Variants in ATP2A1 observed in about 807,000 individuals in gnomAD.
ATP2A1 encodes ATPase sarcoplasmic/endoplasmic reticulum Ca2+ transporting 1.
A neutral mutation model predicts 109.5 loss-of-function variants in ATP2A1; 83 were observed. The observed-to-expected ratio is 0.76, with a 90% CI of 0.63 to 0.91. The LOEUF (loss-of-function observed/expected upper bound fraction) is 0.91. Ranked by LOEUF, ATP2A1 falls within the 40% of genes least tolerant of loss-of-function variation. The pLI is 0.00. For missense variants in ATP2A1, 1,101 were observed against 1,341.0 expected (o/e 0.82, Z 2.80); for synonymous variants, 505 against 537.6 (o/e 0.94, Z 0.84).
At chr16:28,886,485 G>A (rs187266625) in intron 6 of ATP2A1, among the ~76,000 whole-genome samples, 2 of 152,252 alleles carry the variant, frequency 1.3e-5, no homozygotes, top group East Asian at 3.9e-4. Flanking sequence ...GGGAGGCATG[G>A]TCGTAAGTGT....
rs536491337 is a variant in ATP2A1, at chr16:28,900,745, G to A, written c.1929G>A (p.Gly643=). The A allele has an allele frequency of 6.2e-7, 1 of 1,614,206 alleles. No individual in the cohort carries two copies. The highest frequency in any genetic ancestry group is 8.5e-7 in the Non-Finnish European group (1 of 1,180,026). The change falls in exon 15 of 23, where the codon GGG becomes GGA. Residue 643 remains glycine, a synonymous_variant. Coordinates refer to ENST00000395503, the MANE Select transcript of ATP2A1 (RefSeq NM_004320.6). ...IAICRRIGIF[G]ENEEVADRAY... ...TCTGCCGGCGAATTGGCATCTTTGGGGAGAACGAGGAGGTGGCCGATCGCG... is the reference window on the plus strand; with the variant it reads ...TCTGCCGGCGAATTGGCATCTTTGGAGAGAACGAGGAGGTGGCCGATCGCG...
intron 8 of ATP2A1, among the ~76,000 whole-genome samples, chr16:28,888,018 G>C (rs893713139): frequency 2.6e-5 from 4 of 151,942 alleles, no homozygotes; most frequent in Admixed American, 6.6e-5. Flanking sequence ...AGCCAGGATG[G>C]TCTCGATCTC....
Position 28,900,475 on chromosome 16 carries a change from C to A in ATP2A1, c.1765-106C>A. On this transcript the variant is annotated intron_variant, in intron 14 of 22. Transcript: ENST00000395503. ...CAGGGTTCAGGCTTCCCACCCCTCC[C>A]CACCACTTCCTGACCTTTCACCCCA... 3.1e-6 allele frequency: 3 copies of A among 969,290 alleles called. No homozygotes were observed. The South Asian group carries it at 5.2e-5, about 17-fold the overall frequency. 60.0% of individuals were successfully genotyped at this position (969,290 alleles called of 1,614,324 possible).
chr16:28,901,674 T>C (rs1317987412), intron 15 of ATP2A1, among the ~76,000 whole-genome samples, 189 bp from the exon 16 acceptor site: 3 of 152,086 alleles, frequency 2.0e-5, no homozygotes, highest in Non-Finnish European at 4.4e-5. Flanking sequence ...ACTGAGTTTT[T>C]GGCCAAGTGT....
At chr16:28,901,581 T>C (rs1266582250) in intron 15 of ATP2A1, among the ~76,000 whole-genome samples, 2 of 151,702 alleles carry the variant, frequency 1.3e-5, no homozygotes, top group Non-Finnish European at 2.9e-5. Context: ...TGCAGTGAGC[T>C]GAGATTGCGC....
intron 5 of ATP2A1, among the ~76,000 whole-genome samples, chr16:28,882,942 G>T (rs1015647541): frequency 2.0e-5 from 3 of 152,200 alleles, no homozygotes; most frequent in Non-Finnish European, 4.4e-5. Flanking sequence ...CCCACCCCAA[G>T]CTTGGTCAGC....
chr16:28,882,088 T>C (rs11645143), intron 4 of ATP2A1, among the ~76,000 whole-genome samples: 47,088 of 140,628 alleles, frequency 0.33, 8,763 homozygotes, highest in Admixed American at 0.4. Flanking sequence ...AGGCGCGTGC[T>C]ACTACGCCCG....
In ATP2A1 at chr16:28,902,157, A is replaced by G; in HGVS notation, c.2322-27A>G. Reference sequence around the variant, plus strand: ...TGGCTGCAGGTCTGGGAGGCAGGACAGAGGTGTGACCACCTCCTTCCCACA... The same window carrying G: ...TGGCTGCAGGTCTGGGAGGCAGGACGGAGGTGTGACCACCTCCTTCCCACA... On this transcript the variant is annotated intron_variant, in intron 16 of 22. Transcript: ENST00000395503. This position sits in a 1 kb window ranked among gnomAD's most constrained non-coding sequence, Gnocchi z 4.8. 1 of 1,613,638 alleles carries G rather than the reference A, an allele frequency of 6.2e-7. No individual in the cohort carries two copies. The highest frequency in any genetic ancestry group is 8.5e-7 in the Non-Finnish European group (1 of 1,179,520).
chr16:28,900,675 G>A lies in ATP2A1; in HGVS notation c.1859G>A (p.Arg620Gln), dbSNP rs755879441. The A allele has an allele frequency of 1.9e-5, 30 of 1,611,646 alleles. No homozygotes were observed. The highest frequency in any genetic ancestry group is 6.6e-5 in the South Asian group (6 of 91,026). The change falls in exon 15 of 23, where the codon CGG (arginine) becomes CAG (glutamine). Residue 620 changes from arginine to glutamine, a missense_variant. Transcript: ENST00000395503. ...CAGCTGTGCCGTGACGCCGGGATCC[G>A]GGTGATCATGATCACTGGGGACAAC... ...SIQLCRDAGI[R>Q]VIMITGDNKG...
At position 28,887,427 on chromosome 16, in the gene ATP2A1, C is replaced by T; in HGVS notation, c.633C>T (p.Gly211=). ...NQDKKNMLFS[G]TNIAAGKALG... ...CTGCCTCCTCTTTCCCTTCCCAGGG[C>T]ACCAACATTGCAGCCGGCAAGGCCT... Residue 211 remains glycine (G), a splice_region_variant and synonymous_variant, in exon 8 of 23, where the codon GGC becomes GGT. Coordinates refer to ENST00000395503, the MANE Select transcript of ATP2A1 (RefSeq NM_004320.6). 1.2e-6 allele frequency: 2 copies of T among 1,614,080 alleles called. No homozygotes were observed. The highest frequency in any genetic ancestry group is 1.1e-5 in the South Asian group (1 of 91,068).
intron 9 of ATP2A1, 27 bp downstream of exon 9, chr16:28,888,980 C>A: frequency 1.2e-6 from 2 of 1,613,522 alleles, no homozygotes; most frequent in South Asian, 2.2e-5. Flanking sequence ...GCAGCGCGCT[C>A]AGTCAGAAGG....
At chr16:28,881,999 G>T (rs568809515) in intron 4 of ATP2A1, among the ~76,000 whole-genome samples, 16 of 150,232 alleles carry the variant, frequency 1.1e-4, no homozygotes, top group Admixed American at 6.0e-4. Context: ...GTGCAGTGGC[G>T]TAATCTCATC....
Position 28,898,961 on chromosome 16 carries a change from T to C in ATP2A1, c.1764+510T>C, listed in dbSNP as rs879338677. Among the ~76,000 whole-genome samples, 1 of 151,714 alleles carries C rather than the reference T, an allele frequency of 6.6e-6. No homozygotes were observed. Among genetic ancestry groups the C allele is most frequent in the Admixed American group, 6.6e-5 (1 of 15,220 alleles). ...TCCCACCACTGCACTCCAGCCTGCATGACAAGCAAGGCCCTGTCTCTAAAA... is the reference window on the plus strand; with the variant it reads ...TCCCACCACTGCACTCCAGCCTGCACGACAAGCAAGGCCCTGTCTCTAAAA... On this transcript the variant is annotated intron_variant, in intron 14 of 22. Transcript: ENST00000395503. The surrounding 1 kb of genome is among the most constrained non-coding windows in gnomAD (Gnocchi z 4.0).
At chr16:28,878,902 C>T in intron 1 of ATP2A1, 113 bp downstream of exon 1, 1 of 1,370,042 alleles carries the variant, frequency 7.3e-7, no homozygotes. Flanking sequence ...AAGAGCTGGG[C>T]CGTTGTCCAA....
rs1963639612 is a variant in ATP2A1 at position 28,887,259 on chromosome 16, G to A, written c.615G>A (p.Lys205=). 4 of 1,614,090 alleles carry A rather than the reference G, an allele frequency of 2.5e-6. No homozygotes were observed. In the East Asian group the frequency reaches 8.9e-5, roughly 36 times the overall value. ...CCCGAGCTGTCAACCAGGACAAGAA[G>A]AACATGCTTTTCTCGGTGAGCAATC... ...PDPRAVNQDK[K]NMLFSGTNIA... is the part of the protein sequence containing the mutation. Residue 205 remains lysine, a synonymous_variant, in exon 7 of 23, where the codon AAG becomes AAA. Coordinates refer to ENST00000395503, the MANE Select transcript of ATP2A1 (RefSeq NM_004320.6).
Position 28,880,034 on chromosome 16 carries a change from T to G in ATP2A1, c.219+451T>G. 9.9e-7 allele frequency: 1 copy of G among 1,005,572 alleles called. No homozygotes were observed. The highest frequency in any genetic ancestry group is 1.2e-6 in the Non-Finnish European group (1 of 845,614). 62.3% of individuals were successfully genotyped at this position (1,005,572 alleles called of 1,614,324 possible). On this transcript the variant is annotated intron_variant, in intron 3 of 22. Transcript: ENST00000395503. This position sits in a 1 kb window ranked among gnomAD's most constrained non-coding sequence, Gnocchi z 4.2. ...GACGCTGATTGGTCGAGGGGAGGAC[T>G]CGCTCCTAGTGGCGGGAAAGCGCGG...
intron 8 of ATP2A1, among the ~76,000 whole-genome samples, chr16:28,888,357 T>G (rs573767709): frequency 1.3e-5 from 2 of 151,570 alleles, no homozygotes; most frequent in South Asian, 4.2e-4. Context: ...CCAAGTAAGG[T>G]AACATTTACA....
chr16:28,880,172 AC>A lies in ATP2A1; in HGVS notation c.219+594del. On this transcript the variant is annotated intron_variant, in intron 3 of 22. Transcript: ENST00000395503. This position sits in a 1 kb window ranked among gnomAD's most constrained non-coding sequence, Gnocchi z 4.2. ...TTCCCCGCGCTCCCTAGGCACCCCCACCCCCGCAGGGCATCTCCAGGGCTCT... is the reference window on the plus strand; with the variant it reads ...TTCCCCGCGCTCCCTAGGCACCCCCACCCCGCAGGGCATCTCCAGGGCTCT... 2 of 978,480 alleles carry A rather than the reference AC, an allele frequency of 2.0e-6. No individual in the cohort carries two copies. Among genetic ancestry groups the A allele is most frequent in the Non-Finnish European group, 2.4e-6 (2 of 822,966 alleles). The allele number at this position is 978,480 out of a possible 1,614,324, so 60.6% of individuals were successfully genotyped here.
rs80127885 is a variant in ATP2A1, at chr16:28,879,222, C to G, written c.136+106C>G. 17,056 of 1,401,408 alleles carry G rather than the reference C, an allele frequency of 0.012. 1,316 individuals carry two copies. The African/African-American group carries it at 0.18, about 15-fold the overall frequency. 86.8% of individuals were successfully genotyped at this position (1,401,408 alleles called of 1,614,324 possible). ...TAGATTCTTTGAGCAAATATCCCTT[C>G]CCAAAAGGCAAATCTCCCTCCCTAA... On this transcript the variant is annotated intron_variant, in intron 2 of 22. Coordinates refer to ENST00000395503, the MANE Select transcript of ATP2A1 (RefSeq NM_004320.6).
Sources: gnomAD v4.1 joint callset for allele counts (sites outside exome capture counted in the v4.1 genomes callset) on GRCh38, gnomAD v4.1.1 for gene constraint, Gnocchi (gnomAD v3.1) non-coding constraint, MANE v1.5 for transcripts, NCBI Gene and HGNC (gene_info 2026-07-23, HGNC 2026-07-21) for gene names.